Variants in PLCB4 observed in about 807,000 individuals in gnomAD.
PLCB4 encodes the protein 1-phosphatidylinositol 4,5-bisphosphate phosphodiesterase beta-4.
A neutral mutation model predicts 178.8 loss-of-function variants in PLCB4; 77 were observed. The observed-to-expected ratio is 0.43, with a 90% CI of 0.36 to 0.52. The LOEUF (loss-of-function observed/expected upper bound fraction) is 0.52, where lower values mean the gene tolerates loss of function less well. Among genes scored for constraint, PLCB4 ranks in the 20% least tolerant of loss-of-function variants. The pLI is 0.00. For missense variants in PLCB4, 1,024 were observed against 1,453.4 expected, an observed-to-expected ratio of 0.70 and a Z score of 4.80; for synonymous variants, 496 against 490.8, an observed-to-expected ratio of 1.01 and a Z score of -0.14.
chr20:9,466,741 G>T (rs1029193245), intron 35 of PLCB4, among the ~76,000 whole-genome samples: 1 of 152,134 alleles, frequency 6.6e-6, no homozygotes, highest in Non-Finnish European at 1.5e-5. Context: ...GCCATCTCAC[G>T]CCAGTTAGAA....
intron 1 of PLCB4, among the ~76,000 whole-genome samples, chr20:9,092,305 A>T (rs1396290340): frequency 1.3e-5 from 2 of 152,068 alleles, no homozygotes; most frequent in Non-Finnish European, 2.9e-5. Flanking sequence ...TTAATATCAG[A>T]ATGTAATGGT....
At chr20:9,346,677 G>T (rs192798016) in intron 7 of PLCB4, among the ~76,000 whole-genome samples, 2 of 152,162 alleles carry the variant, frequency 1.3e-5, no homozygotes, top group Admixed American at 6.5e-5. Flanking sequence ...AATCAATGAG[G>T]GGGGGCATTA....
At chr20:9,327,596 C>G (rs1249182295) in intron 4 of PLCB4, among the ~76,000 whole-genome samples, 1 of 151,326 alleles carries the variant, frequency 6.6e-6, no homozygotes, top group Non-Finnish European at 1.5e-5. Context: ...CTAACACAGA[C>G]AAACCCCATC....
At chr20:9,315,124 A>C (rs540568957) in intron 4 of PLCB4, among the ~76,000 whole-genome samples, 103 of 152,212 alleles carry the variant, frequency 6.8e-4, no homozygotes, top group African/African-American at 2.5e-3. Context: ...AGGAAAAAGA[A>C]CCTCTGACAG....
At position 9,371,386 on chromosome 20, in the gene PLCB4, T is replaced by A. The variant is rs1037416620; in HGVS notation, c.585+91T>A. 4 of 674,544 alleles carry A rather than the reference T, an allele frequency of 5.9e-6. No individual in the cohort carries two copies. In the African/African-American group the frequency reaches 7.3e-5, roughly 12 times the overall value. 41.8% of individuals were successfully genotyped at this position (674,544 alleles called of 1,614,324 possible). ...AGCTAGATTATTTATATTAAACTGA[T>A]CTAAATTAGATTTGGAATTATATGT... On this transcript the variant is annotated intron_variant, in intron 10 of 39. Transcript: ENST00000378473.
At chr20:9,090,225 A>ATGTG (rs11087835) in intron 1 of PLCB4, among the ~76,000 whole-genome samples, 22,774 of 149,428 alleles carry the variant, frequency 0.15, 1,749 homozygotes, top group Middle Eastern at 0.2. Context: ...AATACTATTT[A>ATGTG]TGTGTGTGTG....
intron 2 of PLCB4, 41 bp from the exon 3 acceptor site, chr20:9,217,349 A>G (rs1219230675): frequency 6.6e-6 from 1 of 152,190 alleles, no homozygotes; most frequent in Admixed American, 6.5e-5. Flanking sequence ...AAAACTCTAA[A>G]AGTCCTTTAC....
At chr20:9,451,884 A>G (rs2042792400) in intron 32 of PLCB4, among the ~76,000 whole-genome samples, 1 of 152,164 alleles carries the variant, frequency 6.6e-6, no homozygotes, top group Non-Finnish European at 1.5e-5. Flanking sequence ...GCACTGAAAA[A>G]CCCATGTCCT....
At chr20:9,242,555 G>T (rs920650230) in intron 3 of PLCB4, among the ~76,000 whole-genome samples, 1 of 152,184 alleles carries the variant, frequency 6.6e-6, no homozygotes, top group Non-Finnish European at 1.5e-5. Flanking sequence ...TTAAATTTAG[G>T]CATTTTCTGA....
chr20:9,242,053 G>A (rs1238647942), intron 3 of PLCB4, among the ~76,000 whole-genome samples: 5 of 152,186 alleles, frequency 3.3e-5, no homozygotes, highest in Non-Finnish European at 7.3e-5. Flanking sequence ...AAGCATGCAA[G>A]GCCTTGGGAA....
intron 2 of PLCB4, among the ~76,000 whole-genome samples, chr20:9,160,203 A>G (rs1164293181): frequency 6.6e-6 from 1 of 152,110 alleles, no homozygotes. Context: ...GTGGGTCTCT[A>G]ACATTTGCTG....
At chr20:9,439,053 A>T (rs2041951947) in intron 30 of PLCB4, among the ~76,000 whole-genome samples, 3 of 152,258 alleles carry the variant, frequency 2.0e-5, no homozygotes, top group Admixed American at 6.5e-5. Context: ...AAGTTTCAGG[A>T]TAGACAGGAA....
chr20:9,096,861 C>T (rs907565784), intron 2 of PLCB4, among the ~76,000 whole-genome samples: 1 of 152,100 alleles, frequency 6.6e-6, no homozygotes, highest in East Asian at 1.9e-4. Context: ...TTTTTGTAAT[C>T]CATACAGAGC....
intron 28 of PLCB4, among the ~76,000 whole-genome samples, chr20:9,432,501 A>G (rs563847690): frequency 6.6e-6 from 1 of 152,314 alleles, no homozygotes; most frequent in Non-Finnish European, 1.5e-5. Context: ...GGCAAAACAT[A>G]TCTGAAGTGA....
chr20:9,137,636 A>G (rs1203784554), intron 2 of PLCB4, among the ~76,000 whole-genome samples: 1 of 151,810 alleles, frequency 6.6e-6, no homozygotes, highest in Non-Finnish European at 1.5e-5. Flanking sequence ...ATCCATCTGG[A>G]AATTTCAGAG....
At chr20:9,088,594 C>T (rs1463562492) in intron 1 of PLCB4, among the ~76,000 whole-genome samples, 1 of 152,074 alleles carries the variant, frequency 6.6e-6, no homozygotes, top group Non-Finnish European at 1.5e-5. Flanking sequence ...ATGGTGATTG[C>T]AGGATATTGG....
chr20:9,307,927 C>A (rs767948024), intron 4 of PLCB4, 29 bp downstream of exon 4: 2 of 890,938 alleles, frequency 2.2e-6, no homozygotes, highest in South Asian at 1.6e-5. Context: ...TCTTTTCTCT[C>A]AAAACATTCT....
chr20:9,293,622 T>TATTCATTC (rs4053132), intron 3 of PLCB4, among the ~76,000 whole-genome samples: 38,746 of 150,646 alleles, frequency 0.26, 5,529 homozygotes, highest in East Asian at 0.39. Context: ...CAGAGTAAAA[T>TATTCATTC]ATTCATTCAT....
chr20:9,309,294 C>T (rs1243203171), intron 4 of PLCB4, among the ~76,000 whole-genome samples: 1 of 152,184 alleles, frequency 6.6e-6, no homozygotes, highest in Non-Finnish European at 1.5e-5. Flanking sequence ...TTATGCTACT[C>T]CCTCTTCCTG....
Sources: allele counts gnomAD v4.1 joint callset (sites outside exome capture counted in the v4.1 genomes callset), GRCh38; gene constraint gnomAD v4.1.1; transcripts MANE v1.5; gene names NCBI Gene and HGNC (gene_info 2026-07-23, HGNC 2026-07-21).